HCN1: variants seen among roughly 807,000 people sequenced by gnomAD.
HCN1 encodes the protein hyperpolarization activated cyclic nucleotide gated potassium channel 1.
HCN1 carries 13 observed loss-of-function variants against 78.9 expected under a neutral mutation model. That is an observed-to-expected ratio of 0.16 (90% CI 0.11 to 0.26). The LOEUF is 0.26. HCN1 is among the 10% of genes least tolerant of loss of function. The pLI, the probability that HCN1 is intolerant of heterozygous loss-of-function variation, is 1.00. For missense variants in HCN1, 810 were observed against 1,154.3 expected, an observed-to-expected ratio of 0.70 and a Z score of 4.32; for synonymous variants, 552 against 455.5, an observed-to-expected ratio of 1.21 and a Z score of -2.70.
intron 5 of HCN1, among the ~76,000 whole-genome samples, chr5:45,324,058 T>C (rs1746182711): frequency 6.7e-6 from 1 of 150,238 alleles, no homozygotes; most frequent in African/African-American, 2.5e-5. Flanking sequence ...TGATTTATAA[T>C]CCTTTGGGTA....
intron 2 of HCN1, among the ~76,000 whole-genome samples, chr5:45,518,554 T>C (rs1009589393): frequency 6.6e-6 from 1 of 151,936 alleles, no homozygotes; most frequent in Non-Finnish European, 1.5e-5. Context: ...ACCTAAGATA[T>C]GCACAGCCTG....
At position 45,322,401 on chromosome 5, in the gene HCN1, T is replaced by C. The variant is rs113965837; in HGVS notation, c.1378-18562A>G. ...ATTCACTAATATTTATTAAATGCTT[T>C]GTGCTTTCTCATGTAATTATAACAA... On this transcript the variant is annotated intron_variant, in intron 5 of 7. Transcript: ENST00000303230. Among the ~76,000 whole-genome samples the C allele has an allele frequency of 5.3e-5, 8 of 151,972 alleles. 1 individual carries two copies. The highest frequency in any genetic ancestry group is 1.7e-4 in the African/African-American group (7 of 41,532).
chr5:45,565,374 A>G (rs1021144237), intron 2 of HCN1, among the ~76,000 whole-genome samples: 1 of 152,168 alleles, frequency 6.6e-6, no homozygotes, highest in African/African-American at 2.4e-5. Context: ...AACACACACT[A>G]ATAGTTTTCC....
chr5:45,684,245 A>G (rs1739759505), intron 1 of HCN1, among the ~76,000 whole-genome samples: 1 of 152,214 alleles, frequency 6.6e-6, no homozygotes, highest in East Asian at 1.9e-4. Flanking sequence ...AGAATCACTA[A>G]CACAAATGGC....
At chr5:45,303,425 C>T (rs1745667540) in intron 6 of HCN1, among the ~76,000 whole-genome samples, 174 bp downstream of exon 6, 1 of 152,100 alleles carries the variant, frequency 6.6e-6, no homozygotes, top group South Asian at 2.1e-4. Context: ...AATGCACACA[C>T]ATTGAGCCTG....
chr5:45,311,889 G>A (rs571916640), intron 5 of HCN1, among the ~76,000 whole-genome samples: 43 of 152,308 alleles, frequency 2.8e-4, no homozygotes, highest in Admixed American at 1.5e-3. Context: ...ATTTCTAGCT[G>A]TGGGCTAAAC....
chr5:45,625,528 G>C (rs1222498266), intron 2 of HCN1, among the ~76,000 whole-genome samples: 1 of 151,350 alleles, frequency 6.6e-6, no homozygotes, highest in Non-Finnish European at 1.5e-5. Flanking sequence ...GATTAGGTAA[G>C]AGATGGGAAA....
At chr5:45,687,192 C>T (rs1739825749) in intron 1 of HCN1, among the ~76,000 whole-genome samples, 2 of 152,046 alleles carry the variant, frequency 1.3e-5, no homozygotes, top group Admixed American at 1.3e-4. Context: ...TTGTTTGTTG[C>T]TTATTCAATG....
At chr5:45,691,581 AT>A (rs1395716068) in intron 1 of HCN1, among the ~76,000 whole-genome samples, 1 of 152,184 alleles carries the variant, frequency 6.6e-6, no homozygotes, top group Non-Finnish European at 1.5e-5. Context: ...TAGAAAAAAA[AT>A]AAATTCTTAT....
chr5:45,278,140 A>G (rs1320736349), intron 6 of HCN1, among the ~76,000 whole-genome samples: 1 of 152,028 alleles, frequency 6.6e-6, no homozygotes, highest in African/African-American at 2.4e-5. Context: ...TGACTCATAC[A>G]CATCTCTACT....
chr5:45,326,614 G>A (rs1289603172), intron 5 of HCN1, among the ~76,000 whole-genome samples: 1 of 151,540 alleles, frequency 6.6e-6, no homozygotes, highest in Non-Finnish European at 1.5e-5. Context: ...TAGATTTCAA[G>A]TTATAAGTCA....
At chr5:45,544,649 G>A (rs1278887344) in intron 2 of HCN1, among the ~76,000 whole-genome samples, 1 of 132,240 alleles carries the variant, frequency 7.6e-6, no homozygotes, top group African/African-American at 2.9e-5. Flanking sequence ...CCCACCTAGT[G>A]TCCAAGTGTT....
chr5:45,292,200 T>A (rs189018979), intron 6 of HCN1, among the ~76,000 whole-genome samples: 1 of 152,162 alleles, frequency 6.6e-6, no homozygotes, highest in African/African-American at 2.4e-5. Context: ...TAGATACAAT[T>A]TCCTTGCAAA....
At position 45,632,134 on chromosome 5, in the gene HCN1, T is replaced by G. The variant is rs748527959; in HGVS notation, c.849+13051A>C. 3.9e-5 allele frequency among the ~76,000 whole-genome samples: 6 copies of G among 152,012 alleles called. 1 individual carries two copies. In the South Asian group the frequency reaches 1.2e-3, roughly 31 times the overall value. ...AATGATATAGCAATTAATAAAAACA[T>G]AAAATTAATGGTTCTTCAACTAAGG... On this transcript the variant is annotated intron_variant, in intron 2 of 7. Transcript: ENST00000303230.
chr5:45,494,991 T>G (rs1280527303), intron 2 of HCN1, among the ~76,000 whole-genome samples: 1 of 145,636 alleles, frequency 6.9e-6, no homozygotes, highest in African/African-American at 2.6e-5. Context: ...CATGCTGTTT[T>G]GGTTACTGTA....
chr5:45,494,503 C>T lies in HCN1; in HGVS notation c.850-32496G>A, dbSNP rs1741977335. Among the ~76,000 whole-genome samples the T allele has an allele frequency of 2.6e-5, 4 of 151,774 alleles. No homozygotes were observed. In the South Asian group the frequency reaches 8.4e-4, roughly 32 times the overall value. On this transcript the variant is annotated intron_variant, in intron 2 of 7. Transcript: ENST00000303230. Reference sequence around the variant, plus strand: ...TCATTGTAGATTCTGGATATTAGCCCTTTGACAGATGAGTAGGTTGCGAAA... The same window carrying T: ...TCATTGTAGATTCTGGATATTAGCCTTTTGACAGATGAGTAGGTTGCGAAA...
At chr5:45,652,032 C>CA (rs1158741238) in intron 1 of HCN1, among the ~76,000 whole-genome samples, 1 of 151,728 alleles carries the variant, frequency 6.6e-6, no homozygotes, top group Non-Finnish European at 1.5e-5. Context: ...GCAATTTATC[C>CA]AATGAGAATA....
chr5:45,452,331 T>A (rs1190875708), intron 3 of HCN1, among the ~76,000 whole-genome samples: 2 of 150,842 alleles, frequency 1.3e-5, no homozygotes, highest in Non-Finnish European at 1.5e-5. Flanking sequence ...TTTTTTTTTT[T>A]GTTTTTTTTT....
chr5:45,392,060 C>T (rs1739576235), intron 4 of HCN1, among the ~76,000 whole-genome samples: 1 of 152,080 alleles, frequency 6.6e-6, no homozygotes, highest in Non-Finnish European at 1.5e-5. Context: ...ACTCCTCCTA[C>T]ATCCAAATTT....
Sources: allele counts gnomAD v4.1 joint callset (sites outside exome capture counted in the v4.1 genomes callset), GRCh38; gene constraint gnomAD v4.1.1; transcripts MANE v1.5; gene names NCBI Gene and HGNC (gene_info 2026-07-23, HGNC 2026-07-21).